Variants in UGT2A1 observed in about 807,000 individuals in gnomAD.
The protein encoded by UGT2A1 is UDP-glucuronosyltransferase 2A1.
A neutral mutation model predicts 45.4 loss-of-function variants in UGT2A1; 61 were observed. The observed-to-expected ratio is 1.34, with a 90% CI of 1.09 to 1.66. UGT2A1 has a LOEUF of 1.66. UGT2A1 is among the 40% of genes most tolerant of loss of function. UGT2A1 has a pLI of 0.00. For missense variants in UGT2A1, 649 were observed against 574.3 expected, an observed-to-expected ratio of 1.13 and a Z score of -1.33; for synonymous variants, 229 against 196.2, an observed-to-expected ratio of 1.17 and a Z score of -1.40.
rs939769908 is a variant in UGT2A1 at position 69,653,193 on chromosome 4, G to T, written c.-60C>A. 6.6e-6 allele frequency: 1 copy of T among 152,066 alleles called. No individual in the cohort carries two copies. Among genetic ancestry groups the T allele is most frequent in the African/African-American group, 2.4e-5 (1 of 41,398 alleles). The allele number at this position is 152,066 out of a possible 1,614,324, so 9.4% of individuals were successfully genotyped here. ...GAAGTTTTCTAGTTTCTTACCTGAA[G>T]TTTCCTGGAGGAACTTTAACAGCAC... is the stretch of plus-strand genomic sequence containing the variant. On this transcript the variant is annotated 5_prime_UTR_variant, in exon 1 of 7. Coordinates refer to ENST00000286604, the MANE Select transcript of UGT2A1 (RefSeq NM_001252275.3).
intron 2 of UGT2A1, among the ~76,000 whole-genome samples, chr4:69,641,064 A>T (rs190076175): frequency 6.6e-6 from 1 of 151,910 alleles, no homozygotes; most frequent in Admixed American, 6.6e-5. Flanking sequence ...TAAGAAAAAT[A>T]TAATAATTAA....
chr4:69,613,434 C>T (rs1720185450), intron 3 of UGT2A1, among the ~76,000 whole-genome samples: 1 of 151,922 alleles, frequency 6.6e-6, no homozygotes, highest in Non-Finnish European at 1.5e-5. Flanking sequence ...TCTACTGAAA[C>T]TATTCAAAAC....
chr4:69,605,754 C>A (rs1478786368), intron 3 of UGT2A1, among the ~76,000 whole-genome samples: 1 of 136,190 alleles, frequency 7.3e-6, no homozygotes, highest in Non-Finnish European at 1.6e-5. Context: ...ACCACCGATC[C>A]CACAGAAATA....
At chr4:69,620,223 T>C (rs1246085430) in intron 3 of UGT2A1, among the ~76,000 whole-genome samples, 46 of 151,938 alleles carry the variant, frequency 3.0e-4, no homozygotes, top group Non-Finnish European at 2.9e-5. Context: ...TGATTCTATA[T>C]GTAGAAAACC....
At chr4:69,618,221 T>TTGTGTGTGTGTGTGTGTG (rs112693693) in intron 3 of UGT2A1, among the ~76,000 whole-genome samples, 2 of 144,640 alleles carry the variant, frequency 1.4e-5, no homozygotes, top group East Asian at 2.0e-4. Flanking sequence ...GTGTGTATGT[T>TTGTGTGTGTGTGTGTGTG]TGTGTGTGTG....
At chr4:69,628,536 A>G (rs957742291) in intron 3 of UGT2A1, among the ~76,000 whole-genome samples, 5 of 151,560 alleles carry the variant, frequency 3.3e-5, no homozygotes, top group African/African-American at 1.2e-4. Context: ...CAGAAACACT[A>G]AATATCCACA....
Position 69,639,142 on chromosome 4 carries a change from G to A in UGT2A1, c.716-3320C>T. On this transcript the variant is annotated intron_variant, in intron 2 of 6. Coordinates refer to ENST00000286604, the MANE Select transcript of UGT2A1 (RefSeq NM_001252275.3). ...GGAATTCCTAATTTCAGAGCAACAA[G>A]ATCACCACAGATTGTTACTGGGTCT... is the stretch of plus-strand genomic sequence containing the variant. The A allele has an allele frequency of 6.2e-7, 1 of 1,613,626 alleles. No individual in the cohort carries two copies. Among genetic ancestry groups the A allele is most frequent in the South Asian group, 1.1e-5 (1 of 91,036 alleles).
chr4:69,618,170 T>C (rs1374571604), intron 3 of UGT2A1, among the ~76,000 whole-genome samples: 1 of 150,470 alleles, frequency 6.6e-6, no homozygotes, highest in Non-Finnish European at 1.5e-5. Context: ...ATTTCACAGA[T>C]AAATAGGCCA....
In UGT2A1 at chr4:69,589,371, C is replaced by A. The variant is rs1411320571; in HGVS notation, c.*1G>T. On this transcript the variant is annotated 3_prime_UTR_variant, in exon 7 of 7. Coordinates refer to ENST00000286604, the MANE Select transcript of UGT2A1 (RefSeq NM_001252275.3). ...TATATATATTTCCTCTTTTTCTTGA[C>A]CTATTCTCTTTTTTTCTTCTTTCCT... 3 of 1,608,212 alleles carry A rather than the reference C, an allele frequency of 1.9e-6. No homozygotes were observed. The South Asian group carries it at 3.3e-5, about 18-fold the overall frequency.
intron 2 of UGT2A1, among the ~76,000 whole-genome samples, chr4:69,641,879 G>A (rs1045117050): frequency 1.3e-5 from 2 of 151,700 alleles, no homozygotes; most frequent in African/African-American, 4.8e-5. Context: ...AGCTAGCTAT[G>A]ATATTTTAGG....
intron 3 of UGT2A1, among the ~76,000 whole-genome samples, chr4:69,606,604 A>G (rs1409988542): frequency 7.3e-6 from 1 of 136,818 alleles, no homozygotes; most frequent in Non-Finnish European, 1.6e-5. Context: ...AATAAAGGGT[A>G]TTCAATTAGG....
chr4:69,613,855 C>T (rs1720211891), intron 3 of UGT2A1, among the ~76,000 whole-genome samples: 1 of 151,934 alleles, frequency 6.6e-6, no homozygotes, highest in African/African-American at 2.4e-5. Context: ...AAACCGCAAA[C>T]CTACAGGTAG....
intron 3 of UGT2A1, among the ~76,000 whole-genome samples, chr4:69,618,667 C>T (rs1720557823): frequency 6.6e-6 from 1 of 151,924 alleles, no homozygotes. Context: ...TTTTCAGATT[C>T]AACTTTGGTT....
In UGT2A1 at chr4:69,588,654, C is replaced by G. The variant is rs1718392248; in HGVS notation, c.*718G>C. 1 of 151,664 alleles carries G rather than the reference C, an allele frequency of 6.6e-6. No homozygotes were observed. Among genetic ancestry groups the G allele is most frequent in the African/African-American group, 2.4e-5 (1 of 41,324 alleles). 9.4% of individuals were successfully genotyped at this position (151,664 alleles called of 1,614,324 possible). ...TTCAACATATAACATAGAACTTTCT[C>G]CTTGAAATAAAAGAGTCGATTGATT... On this transcript the variant is annotated 3_prime_UTR_variant, in exon 7 of 7. Transcript: ENST00000286604.
intron 3 of UGT2A1, among the ~76,000 whole-genome samples, chr4:69,601,606 C>T (rs1457925329): frequency 6.6e-6 from 1 of 152,098 alleles, no homozygotes; most frequent in African/African-American, 2.4e-5. Flanking sequence ...CCAGGAGGTC[C>T]TGAGTTTGTC....
chr4:69,615,174 C>G (rs183325690), intron 3 of UGT2A1, among the ~76,000 whole-genome samples: 1 of 151,974 alleles, frequency 6.6e-6, no homozygotes, highest in African/African-American at 2.4e-5. Flanking sequence ...ATCTCTATCT[C>G]TCACCATACA....
chr4:69,637,134 A>G (rs1721756250), intron 2 of UGT2A1, among the ~76,000 whole-genome samples: 1 of 152,190 alleles, frequency 6.6e-6, no homozygotes, highest in African/African-American at 2.4e-5. Flanking sequence ...ATGTGGTTTG[A>G]AGGCATATAA....
intron 3 of UGT2A1, among the ~76,000 whole-genome samples, chr4:69,633,196 T>C (rs1721481442): frequency 6.6e-6 from 1 of 152,116 alleles, no homozygotes; most frequent in Admixed American, 6.5e-5. Flanking sequence ...ACATACACAT[T>C]TGATGAAAGA....
At chr4:69,627,068 T>C (rs1433574538) in intron 3 of UGT2A1, among the ~76,000 whole-genome samples, 1 of 151,932 alleles carries the variant, frequency 6.6e-6, no homozygotes, top group African/African-American at 2.4e-5. Context: ...GTATATTCAT[T>C]GTTACTGGAG....
Sources: allele counts gnomAD v4.1 joint callset (sites outside exome capture counted in the v4.1 genomes callset), GRCh38; gene constraint gnomAD v4.1.1; transcripts MANE v1.5; gene names NCBI Gene and HGNC (gene_info 2026-07-23, HGNC 2026-07-21).